Variants in SPAG16 observed in about 807,000 individuals in gnomAD.
SPAG16 encodes sperm-associated antigen 16 protein.
SPAG16 carries 86 observed loss-of-function variants against 80.4 expected under a neutral mutation model. The observed-to-expected ratio is 1.07, with a 90% CI of 0.90 to 1.28. The LOEUF is 1.28. Among genes scored for constraint, SPAG16 ranks in the 50% most tolerant of loss-of-function variants. The pLI, the probability that SPAG16 is intolerant of heterozygous loss-of-function variation, is 0.00. For synonymous variants in SPAG16, 294 were observed against 265.9 expected, an observed-to-expected ratio of 1.11 and a Z score of -1.03; for missense variants, 870 against 765.3, an observed-to-expected ratio of 1.14 and a Z score of -1.61.
intron 13 of SPAG16, among the ~76,000 whole-genome samples, chr2:214,090,639 A>G (rs187379224): frequency 1.3e-5 from 2 of 152,046 alleles, no homozygotes; most frequent in African/African-American, 2.4e-5. Context: ...TTCTTTGCAT[A>G]CTTTATTCCT....
At chr2:214,204,660 A>G (rs769537355) in intron 15 of SPAG16, among the ~76,000 whole-genome samples, 7 of 152,322 alleles carry the variant, frequency 4.6e-5, no homozygotes, top group Admixed American at 1.3e-4. Flanking sequence ...ACCCTCTTGG[A>G]CAAAAGAATC....
At chr2:214,336,059 AT>A (rs1360687132) in intron 15 of SPAG16, among the ~76,000 whole-genome samples, 7 of 152,172 alleles carry the variant, frequency 4.6e-5, no homozygotes, top group African/African-American at 1.7e-4. Flanking sequence ...GCCCAAGCCT[AT>A]TATTAGGATT....
chr2:213,407,476 C>A (rs1575507704), intron 9 of SPAG16, among the ~76,000 whole-genome samples: 1 of 151,986 alleles, frequency 6.6e-6, no homozygotes, highest in Non-Finnish European at 1.5e-5. Context: ...GTTGAGCCTT[C>A]CGCTAATTTC....
intron 15 of SPAG16, among the ~76,000 whole-genome samples, chr2:214,223,208 A>G (rs1559138863): frequency 2.0e-5 from 3 of 152,264 alleles, no homozygotes; most frequent in Non-Finnish European, 2.9e-5. Flanking sequence ...TTAATTCAAA[A>G]AATGAAAGTT....
chr2:213,357,748 C>A (rs2065743519), intron 7 of SPAG16, among the ~76,000 whole-genome samples: 1 of 152,112 alleles, frequency 6.6e-6, no homozygotes, highest in African/African-American at 2.4e-5. Flanking sequence ...GGCATTTAGC[C>A]CATTTACATT....
chr2:213,660,394 A>G (rs776320182), intron 10 of SPAG16, among the ~76,000 whole-genome samples: 2 of 151,556 alleles, frequency 1.3e-5, no homozygotes, highest in Non-Finnish European at 2.9e-5. Context: ...CTCAGTGTAT[A>G]CATATGTATG....
intron 9 of SPAG16, among the ~76,000 whole-genome samples, chr2:213,466,465 G>T (rs187162210): frequency 6.6e-6 from 1 of 152,282 alleles, no homozygotes; most frequent in Admixed American, 6.5e-5. Context: ...TGATATAAGG[G>T]ATGAGCTATC....
At chr2:214,141,666 T>A (rs879810151) in intron 14 of SPAG16, among the ~76,000 whole-genome samples, 1 of 152,144 alleles carries the variant, frequency 6.6e-6, no homozygotes, top group Non-Finnish European at 1.5e-5. Context: ...AACTAAAGCA[T>A]AGAATTTTAG....
chr2:213,493,411 A>G (rs926882546), intron 10 of SPAG16, among the ~76,000 whole-genome samples: 3 of 152,224 alleles, frequency 2.0e-5, no homozygotes, highest in African/African-American at 7.2e-5. Flanking sequence ...GCATTTTCAT[A>G]GAGTATGGTT....
chr2:214,395,642 A>G (rs948858753), intron 15 of SPAG16, among the ~76,000 whole-genome samples: 1 of 152,082 alleles, frequency 6.6e-6, no homozygotes, highest in Non-Finnish European at 1.5e-5. Context: ...TAAGCATAGT[A>G]CCCGATAGGT....
At chr2:213,484,859 A>G (rs1234943210) in intron 9 of SPAG16, among the ~76,000 whole-genome samples, 4 of 152,204 alleles carry the variant, frequency 2.6e-5, no homozygotes, top group Non-Finnish European at 5.9e-5. Context: ...TGGACTATCT[A>G]TACTAATAAG....
At chr2:214,321,689 A>T (rs1696107350) in intron 15 of SPAG16, among the ~76,000 whole-genome samples, 1 of 152,258 alleles carries the variant, frequency 6.6e-6, no homozygotes, top group Non-Finnish European at 1.5e-5. Context: ...TAAGTCTGGG[A>T]CATAATTTCC....
At chr2:213,840,120 T>C (rs1386141345) in intron 10 of SPAG16, among the ~76,000 whole-genome samples, 1 of 152,178 alleles carries the variant, frequency 6.6e-6, no homozygotes, top group Non-Finnish European at 1.5e-5. Context: ...GTCTGGATAA[T>C]CTTTTCATAC....
intron 6 of SPAG16, among the ~76,000 whole-genome samples, chr2:213,342,426 CTG>C (rs1314495075): frequency 4.7e-5 from 7 of 148,868 alleles, no homozygotes; most frequent in Non-Finnish European, 7.4e-5. Flanking sequence ...GAGGATAGAA[CTG>C]TACATACTAC....
At chr2:214,176,808 A>ATGTGTG (rs141462328) in intron 15 of SPAG16, among the ~76,000 whole-genome samples, 2 of 149,860 alleles carry the variant, frequency 1.3e-5, no homozygotes. Flanking sequence ...AATTTATTGA[A>ATGTGTG]TGTGTGTGTG....
chr2:213,616,263 G>C (rs1239992394), intron 10 of SPAG16, among the ~76,000 whole-genome samples: 2 of 152,160 alleles, frequency 1.3e-5, no homozygotes, highest in African/African-American at 4.8e-5. Context: ...AAAGAAACAT[G>C]CTTCCACAAA....
chr2:213,377,979 G>A (rs936140654), intron 9 of SPAG16, among the ~76,000 whole-genome samples: 42 of 150,784 alleles, frequency 2.8e-4, no homozygotes, highest in South Asian at 4.2e-4. Context: ...TAACTCACAC[G>A]ATCACAAGGT....
At chr2:214,250,639 T>A (rs1420128767) in intron 15 of SPAG16, among the ~76,000 whole-genome samples, 1 of 145,414 alleles carries the variant, frequency 6.9e-6, no homozygotes, top group African/African-American at 2.5e-5. Context: ...ATATAAATAT[T>A]TATATATTTC....
At chr2:213,861,304 T>C (rs1413280473) in intron 10 of SPAG16, among the ~76,000 whole-genome samples, 1 of 152,194 alleles carries the variant, frequency 6.6e-6, no homozygotes, top group East Asian at 1.9e-4. Flanking sequence ...TAATGTAAGA[T>C]ATAAATAATG....
Sources: allele counts gnomAD v4.1 joint callset (sites outside exome capture counted in the v4.1 genomes callset), GRCh38; gene constraint gnomAD v4.1.1; transcripts MANE v1.5; gene names NCBI Gene and HGNC (gene_info 2026-07-23, HGNC 2026-07-21).